PCDH15: variants seen among roughly 807,000 people sequenced by gnomAD.
PCDH15 encodes the protein protocadherin-15.
In PCDH15, 129 loss-of-function variants were observed where a neutral mutation model predicts 178.5. That is an observed-to-expected ratio of 0.72 (90% CI 0.63 to 0.84). PCDH15 has a LOEUF of 0.84. Among genes scored for constraint, PCDH15 ranks in the 40% least tolerant of loss-of-function variants. The pLI, the probability that PCDH15 is intolerant of heterozygous loss-of-function variation, is 0.00. For missense variants in PCDH15, 2,230 were observed against 2,099.9 expected (o/e 1.06, Z -1.21); for synonymous variants, 800 against 732.0 (o/e 1.09, Z -1.50).
In PCDH15 at chr10:54,671,185, G is replaced by A. The variant is rs1433566053; in HGVS notation, c.-28-6895C>T. On this transcript the variant is annotated intron_variant, in intron 1 of 37. Coordinates refer to ENST00000644397, the MANE Select transcript of PCDH15 (RefSeq NM_001384140.1). ...TTTAAAATGGAGTTTTAATGCTCAA[G>A]CAAACGCATGCATCATTTTAAAAAA... 4.6e-5 allele frequency among the ~76,000 whole-genome samples: 7 copies of A among 152,074 alleles called. No individual in the cohort carries two copies. In the East Asian group the frequency reaches 1.3e-3, roughly 29 times the overall value.
At chr10:55,069,483 T>C (rs1841665711) in intron 2 of PCDH15, among the ~76,000 whole-genome samples, 1 of 133,124 alleles carries the variant, frequency 7.5e-6, no homozygotes, top group African/African-American at 2.8e-5. Flanking sequence ...TGTGTCCATG[T>C]GTTCTCATTG....
At chr10:54,667,062 C>T (rs2094583841) in intron 1 of PCDH15, among the ~76,000 whole-genome samples, 1 of 151,866 alleles carries the variant, frequency 6.6e-6, no homozygotes, top group Non-Finnish European at 1.5e-5. Context: ...ACAGACAAAA[C>T]TCATAAAAAA....
rs138710572 is a variant in PCDH15, at chr10:54,115,691, A to G, written c.1917+17184T>C. On this transcript the variant is annotated intron_variant, in intron 15 of 37. Coordinates refer to ENST00000644397, the MANE Select transcript of PCDH15 (RefSeq NM_001384140.1). Reference sequence around the variant, plus strand: ...GACTGCACTGAAGTTTAACTTCTCCATACATACAATACTGCTTTCTTCCCC... The same window carrying G: ...GACTGCACTGAAGTTTAACTTCTCCGTACATACAATACTGCTTTCTTCCCC... Among the ~76,000 whole-genome samples, 296 of 152,340 alleles carry G rather than the reference A, an allele frequency of 1.9e-3. 1 individual carries two copies. Among genetic ancestry groups the G allele is most frequent in the African/African-American group, 6.7e-3 (278 of 41,584 alleles).
intron 20 of PCDH15, among the ~76,000 whole-genome samples, chr10:53,998,746 T>A (rs1019666469): frequency 6.6e-6 from 1 of 152,118 alleles, no homozygotes; most frequent in African/African-American, 2.4e-5. Context: ...TGGAACTTGA[T>A]CATCTTTTTA....
chr10:54,696,021 T>C (rs893814829), intron 1 of PCDH15, among the ~76,000 whole-genome samples: 6 of 152,148 alleles, frequency 3.9e-5, no homozygotes, highest in African/African-American at 1.4e-4. Flanking sequence ...CAAGGAGTAA[T>C]TTTGACATTC....
At chr10:55,008,890 ACAAAAAC>A (rs1346450298) in intron 2 of PCDH15, among the ~76,000 whole-genome samples, 3 of 150,738 alleles carry the variant, frequency 2.0e-5, no homozygotes, top group Non-Finnish European at 4.4e-5. Flanking sequence ...TGTTTAAAAA[ACAAAAAC>A]AAAAACAAAA....
intron 2 of PCDH15, among the ~76,000 whole-genome samples, chr10:55,000,024 G>A (rs1349133755): frequency 6.6e-6 from 1 of 152,166 alleles, no homozygotes; most frequent in African/African-American, 2.4e-5. Context: ...GAGATCACAG[G>A]ACCACAGGAC....
chr10:55,084,308 G>A lies in PCDH15; in HGVS notation c.-80+82268C>T, dbSNP rs1252803141. On this transcript the variant is annotated intron_variant, in intron 2 of 5. Transcript: ENST00000458638. The stretch of plus-strand genomic sequence containing the variant: ...ATCTCATTTTTGAATAAGGCGCCAA[G>A]AGCGTACATTGGGGAGAGAACAGTC... Among the ~76,000 whole-genome samples, 4 of 151,666 alleles carry A rather than the reference G, an allele frequency of 2.6e-5. No homozygotes were observed. In the South Asian group the frequency reaches 8.3e-4, roughly 31 times the overall value.
At chr10:55,343,884 C>T (rs942238996) in intron 2 of PCDH15, among the ~76,000 whole-genome samples, 16 of 152,004 alleles carry the variant, frequency 1.1e-4, no homozygotes, top group African/African-American at 3.9e-4. Flanking sequence ...CTTCAAAAAG[C>T]TTACATGGTA....
chr10:54,069,068 C>A (rs564936288), intron 17 of PCDH15, among the ~76,000 whole-genome samples: 1 of 152,248 alleles, frequency 6.6e-6, no homozygotes, highest in Admixed American at 6.5e-5. Context: ...AATATTATTT[C>A]TTTAAAATTT....
chr10:53,991,984 G>C (rs185220692), intron 21 of PCDH15, among the ~76,000 whole-genome samples: 2 of 152,044 alleles, frequency 1.3e-5, no homozygotes, highest in Admixed American at 1.3e-4. Context: ...CTGTGGAAGC[G>C]TTGTTCTTTT....
chr10:54,020,451 G>A lies in PCDH15; in HGVS notation c.2527-35C>T, dbSNP rs757844436. The A allele has an allele frequency of 3.3e-5, 52 of 1,588,128 alleles. No homozygotes were observed. In the Middle Eastern group the frequency reaches 5.0e-4, roughly 15 times the overall value. On this transcript the variant is annotated intron_variant, in intron 19 of 37. Transcript: ENST00000644397. ...GCAGAAGAATAGTTTTATTAGTGAC[G>A]TTACCAAAATAAAGAAATGCAGGAA...
intron 3 of PCDH15, among the ~76,000 whole-genome samples, chr10:54,477,762 A>G (rs947461553): frequency 3.3e-5 from 5 of 152,032 alleles, no homozygotes; most frequent in Admixed American, 2.6e-4. Context: ...CGTTCAACTA[A>G]TTTATGTATT....
chr10:54,240,625 G>T (rs143623509), intron 8 of PCDH15, among the ~76,000 whole-genome samples: 4,856 of 92,416 alleles, frequency 0.053, 281 homozygotes, highest in African/African-American at 0.16. Flanking sequence ...ATTTTCTTTT[G>T]CTTTTTTTTT....
intron 2 of PCDH15, among the ~76,000 whole-genome samples, chr10:55,573,998 C>T (rs2132112705): frequency 1.3e-5 from 2 of 151,878 alleles, no homozygotes; most frequent in South Asian, 2.1e-4. Flanking sequence ...CATAATATTT[C>T]TGTAAAATTT....
At chr10:53,824,104 AAATTTTACTT>A (rs2076508476) in intron 32 of PCDH15, among the ~76,000 whole-genome samples, 1 of 151,356 alleles carries the variant, frequency 6.6e-6, no homozygotes, top group Non-Finnish European at 1.5e-5. Flanking sequence ...GATCTGGATC[AAATTTTACTT>A]AAAACTCACC....
At chr10:55,520,303 A>ATATATATACACGCAATGTG (rs1841139063) in intron 2 of PCDH15, among the ~76,000 whole-genome samples, 1 of 48,336 alleles carries the variant, frequency 2.1e-5, no homozygotes, top group Non-Finnish European at 4.3e-5. Flanking sequence ...CAATATGTAT[A>ATATATATACACGCAATGTG]TATATATATA....
chr10:53,876,109 T>C, intron 26 of PCDH15, among the ~76,000 whole-genome samples: 1 of 152,134 alleles, frequency 6.6e-6, no homozygotes, highest in Admixed American at 6.5e-5. Flanking sequence ...CCAAGGTCAC[T>C]ATGTCAAGTT....
intron 2 of PCDH15, among the ~76,000 whole-genome samples, chr10:55,148,178 G>A (rs1435788367): frequency 6.6e-6 from 1 of 151,722 alleles, no homozygotes; most frequent in African/African-American, 2.4e-5. Context: ...CCTGTTTCTT[G>A]TACTTCAACA....
Sources: allele counts gnomAD v4.1 joint callset (sites outside exome capture counted in the v4.1 genomes callset), GRCh38; gene constraint gnomAD v4.1.1; transcripts MANE v1.5; gene names NCBI Gene and HGNC (gene_info 2026-07-23, HGNC 2026-07-21).